Variants in RALYL observed in about 807,000 individuals in gnomAD.
The protein encoded by RALYL is RNA-binding Raly-like protein.
In RALYL, 29 loss-of-function variants were observed where a neutral mutation model predicts 35.1. The observed-to-expected ratio is 0.83, with a 90% confidence interval of 0.61 to 1.13. The LOEUF (loss-of-function observed/expected upper bound fraction) is 1.13. RALYL is among the 50% of genes most tolerant of loss of function. The pLI, the probability that RALYL is intolerant of heterozygous loss-of-function variation, is 0.00. For synonymous variants in RALYL, 120 were observed against 127.6 expected, an observed-to-expected ratio of 0.94 and a Z score of 0.40; for missense variants, 359 against 360.4, an observed-to-expected ratio of 1.00 and a Z score of 0.03.
intron 2 of RALYL, among the ~76,000 whole-genome samples, chr8:84,656,812 A>C (rs1241827982): frequency 6.6e-6 from 1 of 152,158 alleles, no homozygotes; most frequent in Non-Finnish European, 1.5e-5. Context: ...GGGTTTAAGA[A>C]GCCATATGAG....
intron 1 of RALYL, among the ~76,000 whole-genome samples, chr8:84,282,529 G>A (rs568662031): frequency 1.4e-3 from 206 of 152,090 alleles, no homozygotes; most frequent in African/African-American, 4.8e-3. Context: ...GGGATGAGGG[G>A]TGGTTCATAA....
In RALYL at chr8:84,427,991, T is replaced by A. The variant is rs543857879; in HGVS notation, c.-23-101308T>A. ...TATCTTCAAATCTGTATGTCTCAGA[T>A]TCCTTACCTGTAAAATAAAGATTGC... On this transcript the variant is annotated intron_variant, in intron 1 of 8. Coordinates refer to ENST00000521268, the MANE Select transcript of RALYL (RefSeq NM_173848.7). 2.6e-5 allele frequency among the ~76,000 whole-genome samples: 4 copies of A among 152,210 alleles called. No individual in the cohort carries two copies. In the South Asian group the frequency reaches 8.3e-4, roughly 32 times the overall value.
At chr8:84,438,974 C>T (rs2048042314) in intron 1 of RALYL, among the ~76,000 whole-genome samples, 2 of 151,826 alleles carry the variant, frequency 1.3e-5, no homozygotes, top group African/African-American at 4.8e-5. Context: ...CCAACGTAGG[C>T]CTTGGTTACT....
chr8:84,855,976 A>G (rs1187817993), intron 5 of RALYL, among the ~76,000 whole-genome samples: 1 of 152,236 alleles, frequency 6.6e-6, no homozygotes. Flanking sequence ...ACGCAAGAAC[A>G]CTAAGTTACA....
chr8:84,668,660 C>A (rs980797621), intron 2 of RALYL, among the ~76,000 whole-genome samples: 1 of 151,960 alleles, frequency 6.6e-6, no homozygotes, highest in African/African-American at 2.4e-5. Context: ...AGACACTGTA[C>A]AAATAGAACA....
chr8:84,316,824 C>G (rs1843846799), intron 1 of RALYL, among the ~76,000 whole-genome samples: 1 of 152,042 alleles, frequency 6.6e-6, no homozygotes, highest in South Asian at 2.1e-4. Flanking sequence ...AAATGGTATA[C>G]TAAATCTTTT....
intron 1 of RALYL, among the ~76,000 whole-genome samples, chr8:84,251,724 A>G (rs1830230258): frequency 6.6e-6 from 1 of 152,074 alleles, no homozygotes; most frequent in African/African-American, 2.4e-5. Context: ...GCATTAATCC[A>G]TTGACTTTTA....
At chr8:84,684,678 T>C (rs10108384) in intron 2 of RALYL, among the ~76,000 whole-genome samples, 11,295 of 152,206 alleles carry the variant, frequency 0.074, 1,006 homozygotes, top group African/African-American at 0.21. Flanking sequence ...TAAAATCGTG[T>C]AAGAATTGGC....
intron 1 of RALYL, among the ~76,000 whole-genome samples, chr8:84,489,601 G>GT (rs2055032067): frequency 6.6e-6 from 1 of 152,016 alleles, no homozygotes; most frequent in Admixed American, 6.6e-5. Flanking sequence ...TGTATTATAT[G>GT]TTTTATTATT....
At chr8:84,464,328 T>G (rs1468699277) in intron 1 of RALYL, among the ~76,000 whole-genome samples, 5 of 151,828 alleles carry the variant, frequency 3.3e-5, no homozygotes, top group Non-Finnish European at 7.4e-5. Context: ...AGTGTGATAT[T>G]CCCCTTCCTG....
chr8:84,383,389 C>T (rs1366594237), intron 1 of RALYL, among the ~76,000 whole-genome samples: 1 of 151,552 alleles, frequency 6.6e-6, no homozygotes, highest in Non-Finnish European at 1.5e-5. Flanking sequence ...TAAGAGGAAA[C>T]TTTCCTTTCC....
chr8:84,422,333 C>A (rs865925539), intron 1 of RALYL, among the ~76,000 whole-genome samples: 1 of 120,236 alleles, frequency 8.3e-6, no homozygotes, highest in Non-Finnish European at 1.7e-5. Flanking sequence ...AGTTTATTTG[C>A]GTAGAGGTGT....
intron 1 of RALYL, among the ~76,000 whole-genome samples, chr8:84,215,177 C>A (rs1366374235): frequency 2.0e-5 from 3 of 151,982 alleles, no homozygotes; most frequent in African/African-American, 2.4e-5. Flanking sequence ...ATTCATGATT[C>A]AAAAAGTTCA....
rs11406770 is a variant in RALYL, at chr8:84,224,661, C to CTTTT, written c.-24+40247_-24+40250dup. On this transcript the variant is annotated intron_variant, in intron 1 of 8. Transcript: ENST00000521268. Reference sequence around the variant, plus strand: ...TAATGGATTATTAACTTCATTATTACTTTTTTTTTTTTTGACACAAAGTTG... The same window carrying CTTTT: ...TAATGGATTATTAACTTCATTATTACTTTTTTTTTTTTTTTTTGACACAAAGTTG... Among the ~76,000 whole-genome samples, 122 of 147,242 alleles carry CTTTT rather than the reference C, an allele frequency of 8.3e-4. 2 individuals carry two copies. The South Asian group carries it at 0.023, about 28-fold the overall frequency.
intron 7 of RALYL, among the ~76,000 whole-genome samples, chr8:84,879,449 T>C (rs1841796543): frequency 6.6e-6 from 1 of 152,148 alleles, no homozygotes; most frequent in Non-Finnish European, 1.5e-5. Flanking sequence ...ACTGAAAATT[T>C]ATTAAATCCA....
At chr8:84,336,242 T>C (rs1847781087) in intron 1 of RALYL, among the ~76,000 whole-genome samples, 1 of 152,174 alleles carries the variant, frequency 6.6e-6, no homozygotes, top group African/African-American at 2.4e-5. Context: ...TGTTTTTCAC[T>C]TGTGATAACT....
intron 2 of RALYL, among the ~76,000 whole-genome samples, chr8:84,601,943 T>C (rs1816062748): frequency 6.6e-6 from 1 of 152,164 alleles, no homozygotes; most frequent in African/African-American, 2.4e-5. Flanking sequence ...AGTCACACTT[T>C]ATTTTCTCTG....
At chr8:84,183,190 C>A, upstream of RALYL, 1 of 155,452 alleles carries the variant, frequency 6.4e-6, no homozygotes, top group South Asian at 1.8e-4. Flanking sequence ...CTCGGCTCCC[C>A]CTCTCGCCGG....
chr8:84,666,750 T>G (rs1163769462), intron 2 of RALYL, among the ~76,000 whole-genome samples: 1 of 152,086 alleles, frequency 6.6e-6, no homozygotes, highest in Non-Finnish European at 1.5e-5. Flanking sequence ...ACTGCAGTCC[T>G]CTTGCTTCAT....
Sources: allele counts gnomAD v4.1 joint callset (sites outside exome capture counted in the v4.1 genomes callset), GRCh38; gene constraint gnomAD v4.1.1; transcripts MANE v1.5; gene names NCBI Gene and HGNC (gene_info 2026-07-23, HGNC 2026-07-21).